MALRD1: variants seen among roughly 807,000 people sequenced by gnomAD.
MALRD1 encodes the protein MAM and LDL-receptor class A domain-containing protein 1.
Under a neutral mutation model 242.1 loss-of-function variants are expected in MALRD1, and 247 were observed. That is an observed-to-expected ratio of 1.02 (90% confidence interval 0.92 to 1.13). The LOEUF is 1.13. MALRD1 is among the 50% of genes most tolerant of loss of function. The pLI is 0.00. For missense variants in MALRD1, 2,989 were observed against 2,533.1 expected (o/e 1.18, Z -3.86); for synonymous variants, 995 against 866.6 (o/e 1.15, Z -2.60).
chr10:19,502,386 A>C (rs553909325), intron 31 of MALRD1, among the ~76,000 whole-genome samples: 1 of 152,310 alleles, frequency 6.6e-6, no homozygotes, highest in African/African-American at 2.4e-5. Flanking sequence ...AGAGAGAAAT[A>C]GGTTTCTATT....
At chr10:19,373,036 T>C (rs895011743) in intron 26 of MALRD1, among the ~76,000 whole-genome samples, 6 of 152,010 alleles carry the variant, frequency 3.9e-5, no homozygotes, top group Admixed American at 3.9e-4. Flanking sequence ...CCATGCTTAT[T>C]CTCAAGTGAA....
chr10:19,058,274 G>T (rs1013511521), intron 1 of MALRD1, among the ~76,000 whole-genome samples: 2 of 152,112 alleles, frequency 1.3e-5, no homozygotes, highest in Non-Finnish European at 2.9e-5. Flanking sequence ...ATACCATGCT[G>T]TTTTTATTAC....
intron 32 of MALRD1, among the ~76,000 whole-genome samples, chr10:19,560,901 A>G (rs368993294): frequency 1.3e-5 from 2 of 152,156 alleles, no homozygotes; most frequent in South Asian, 4.2e-4. Context: ...TGGCACGTGT[A>G]TACCTATGTA....
At chr10:19,579,861 A>T (rs1837019812) in intron 33 of MALRD1, among the ~76,000 whole-genome samples, 1 of 152,224 alleles carries the variant, frequency 6.6e-6, no homozygotes, top group Non-Finnish European at 1.5e-5. Flanking sequence ...CTGGGCCTAA[A>T]GTTAGAAGTC....
chr10:19,499,062 C>T (rs1837849615), intron 31 of MALRD1, among the ~76,000 whole-genome samples: 1 of 152,154 alleles, frequency 6.6e-6, no homozygotes, highest in African/African-American at 2.4e-5. Context: ...TCCTTCCCAT[C>T]ATTTTGAAGT....
At chr10:19,245,466 T>C (rs999851530) in intron 18 of MALRD1, among the ~76,000 whole-genome samples, 10 of 152,214 alleles carry the variant, frequency 6.6e-5, no homozygotes, top group African/African-American at 1.7e-4. Context: ...CATGGTTGAA[T>C]AGAAATTTGA....
At chr10:19,344,817 C>T (rs1432967296) in intron 24 of MALRD1, among the ~76,000 whole-genome samples, 1 of 151,806 alleles carries the variant, frequency 6.6e-6, no homozygotes, top group South Asian at 2.1e-4. Context: ...CTCTCATCAG[C>T]ATTTCGTGGT....
At chr10:19,494,511 C>A (rs980189248) in intron 30 of MALRD1, among the ~76,000 whole-genome samples, 6 of 151,936 alleles carry the variant, frequency 3.9e-5, no homozygotes, top group African/African-American at 1.5e-4. Context: ...ACATTGAAAC[C>A]CAATCCAAAG....
chr10:19,142,254 G>T (rs1212259919), intron 10 of MALRD1, among the ~76,000 whole-genome samples: 13 of 148,224 alleles, frequency 8.8e-5, no homozygotes. Context: ...AAAATATTTA[G>T]TGTAGCAATG....
At position 19,646,613 on chromosome 10, in the gene MALRD1, A is replaced by G. The variant is rs890673061; in HGVS notation, c.6137+30690A>G. 4.7e-4 allele frequency among the ~76,000 whole-genome samples: 71 copies of G among 152,160 alleles called. 1 individual carries two copies. Among genetic ancestry groups the G allele is most frequent in the African/African-American group, 1.6e-3 (65 of 41,416 alleles). ...GAGCGAGACTGTGTCTCAAGAAAAA[A>G]AAAAAATAATAAGTTTAAAGTAGGT... On this transcript the variant is annotated intron_variant, in intron 36 of 39. Transcript: ENST00000454679.
intron 18 of MALRD1, among the ~76,000 whole-genome samples, chr10:19,216,610 A>G (rs977752432): frequency 6.6e-6 from 1 of 152,082 alleles, no homozygotes; most frequent in East Asian, 1.9e-4. Context: ...AATACAAATA[A>G]TATTTATTTT....
chr10:19,499,598 A>T (rs187461472), intron 31 of MALRD1, among the ~76,000 whole-genome samples: 1 of 152,290 alleles, frequency 6.6e-6, no homozygotes, highest in East Asian at 1.9e-4. Context: ...GTCATGAGCC[A>T]ATTCCTTATA....
intron 5 of MALRD1, among the ~76,000 whole-genome samples, chr10:19,113,819 A>ACACACACACACACT: frequency 6.8e-6 from 1 of 147,228 alleles, no homozygotes. Flanking sequence ...ACACACACAC[A>ACACACACACACACT]CACACACACA....
At chr10:19,105,222 G>T (rs960910776) in intron 5 of MALRD1, among the ~76,000 whole-genome samples, 6 of 151,872 alleles carry the variant, frequency 4.0e-5, no homozygotes, top group African/African-American at 1.5e-4. Flanking sequence ...ACTTCTATAA[G>T]ATAGGCTTTT....
At chr10:19,486,388 T>C (rs976772920) in intron 29 of MALRD1, among the ~76,000 whole-genome samples, 1 of 152,202 alleles carries the variant, frequency 6.6e-6, no homozygotes, top group Non-Finnish European at 1.5e-5. Flanking sequence ...TCTAGATGTT[T>C]ACTTGCTTAG....
chr10:19,729,025 A>G (rs1348370059), intron 38 of MALRD1, among the ~76,000 whole-genome samples: 1 of 152,208 alleles, frequency 6.6e-6, no homozygotes, highest in Non-Finnish European at 1.5e-5. Flanking sequence ...AACCCACAAA[A>G]TAGATGCATA....
Position 19,615,905 on chromosome 10 carries a change from A to C in MALRD1, c.6119A>C (p.Lys2040Thr). The change falls in exon 36 of 40, where the codon AAA (lysine) becomes ACA (threonine). Residue 2040 changes from lysine (K) to threonine (T), a missense_variant. Transcript: ENST00000454679. ...CRNGGTCVVEKNGPMCRCRQG... is the reference protein window; with the variant it reads ...CRNGGTCVVETNGPMCRCRQG... ...AATGGTGGGACTTGTGTAGTGGAGA[A>C]AAATGGTCCTATGTGTCGGTAAGAA... is the stretch of plus-strand genomic sequence containing the variant. The C allele has an allele frequency of 4.6e-6, 7 of 1,532,222 alleles. No homozygotes were observed. Among genetic ancestry groups the C allele is most frequent in the Non-Finnish European group, 6.1e-6 (7 of 1,144,694 alleles). 94.9% of individuals were successfully genotyped at this position (1,532,222 alleles called of 1,614,324 possible).
intron 39 of MALRD1, 40 bp from the exon 40 acceptor site, chr10:19,734,117 C>T (rs1835399853): frequency 6.9e-7 from 1 of 1,450,138 alleles, no homozygotes. Context: ...TATCTTAATG[C>T]CTAAAATTCC....
intron 36 of MALRD1, among the ~76,000 whole-genome samples, chr10:19,648,810 G>A (rs952648656): frequency 1.3e-5 from 2 of 152,030 alleles, no homozygotes; most frequent in African/African-American, 4.8e-5. Flanking sequence ...GTGTGTCATG[G>A]GGATTTGTTG....
Sources: allele counts gnomAD v4.1 joint callset (sites outside exome capture counted in the v4.1 genomes callset), GRCh38; gene constraint gnomAD v4.1.1; transcripts MANE v1.5; gene names NCBI Gene and HGNC (gene_info 2026-07-23, HGNC 2026-07-21).